Variants in MFHAS1 observed in about 807,000 individuals in gnomAD.
The protein encoded by MFHAS1 is malignant fibrous histiocytoma-amplified sequence 1.
A neutral mutation model predicts 70.4 loss-of-function variants in MFHAS1; 50 were observed. The observed-to-expected ratio is 0.71, with a 90% CI of 0.57 to 0.90. MFHAS1 has a LOEUF of 0.90. MFHAS1 is among the 40% of genes least tolerant of loss of function. The pLI, the probability that MFHAS1 is intolerant of heterozygous loss-of-function variation, is 0.00. For synonymous variants in MFHAS1, 952 were observed against 620.0 expected (o/e 1.54, Z -7.96); for missense variants, 1,795 against 1,347.6 (o/e 1.33, Z -5.20).
intron 2 of MFHAS1, among the ~76,000 whole-genome samples, chr8:8,788,808 T>C (rs905844402): frequency 1.3e-5 from 2 of 152,048 alleles, no homozygotes; most frequent in Admixed American, 6.5e-5. Flanking sequence ...GGGCCTTAAC[T>C]GGGTAGGAGA....
intron 1 of MFHAS1, among the ~76,000 whole-genome samples, chr8:8,879,275 C>T (rs940222046): frequency 2.6e-5 from 4 of 152,118 alleles, no homozygotes; most frequent in South Asian, 2.1e-4. Flanking sequence ...CACTTGAACC[C>T]GGGAGGCGGA....
intron 1 of MFHAS1, among the ~76,000 whole-genome samples, chr8:8,827,996 T>G (rs943536329): frequency 6.6e-6 from 1 of 152,168 alleles, no homozygotes; most frequent in Admixed American, 6.6e-5. Flanking sequence ...TTCTAACAGC[T>G]CTTCAGCTGT....
intron 1 of MFHAS1, among the ~76,000 whole-genome samples, chr8:8,825,962 G>A (rs1432798316): frequency 1.3e-5 from 2 of 152,208 alleles, no homozygotes; most frequent in Non-Finnish European, 2.9e-5. Flanking sequence ...TCATTTTGCA[G>A]TTGAGGCTGA....
chr8:8,867,179 T>C (rs891462646), intron 1 of MFHAS1, among the ~76,000 whole-genome samples: 1 of 152,194 alleles, frequency 6.6e-6, no homozygotes, highest in African/African-American at 2.4e-5. Context: ...TCTGTACTAG[T>C]AGGAAATGGA....
At position 8,797,414 on chromosome 8, in the gene MFHAS1, C is replaced by T. The variant is rs771063504; in HGVS notation, c.3076G>A (p.Val1026Ile). The T allele has an allele frequency of 4.3e-6, 7 of 1,614,124 alleles. No individual in the cohort carries two copies. Among genetic ancestry groups the T allele is most frequent in the Admixed American group, 1.7e-5 (1 of 60,024 alleles). The change falls in exon 2 of 3, where the codon GTT becomes ATT. Residue 1026 changes from valine to isoleucine, a missense_variant. By Grantham distance (29) the Val-to-Ile change is conservative (BLOSUM62 3). Coordinates refer to ENST00000276282, the MANE Select transcript of MFHAS1 (RefSeq NM_004225.3). ...CPKNGSERVN[V>I]ALVYPPTPTV... ...GGCGTGGGTGGGTAAACCAAGGCAA[C>T]ATTTACTCGCTCGCTGCCGTTCTTG...
chr8:8,804,348 A>C lies in MFHAS1; in HGVS notation c.2999-6857T>G, dbSNP rs1460304442. Among the ~76,000 whole-genome samples the C allele has an allele frequency of 1.4e-4, 22 of 152,208 alleles. 1 individual carries two copies. The highest frequency in any genetic ancestry group is 1.4e-3 in the Admixed American group (22 of 15,280). The stretch of plus-strand genomic sequence containing the variant: ...ATTTCCATTTTCAGGCATTTGTGGA[A>C]TTCTCAAGTCCGGTTTTGATATTGA... On this transcript the variant is annotated intron_variant, in intron 1 of 2. Transcript: ENST00000276282.
chr8:8,889,063 T>C (rs1809885042), intron 1 of MFHAS1, among the ~76,000 whole-genome samples: 1 of 144,794 alleles, frequency 6.9e-6, no homozygotes, highest in Non-Finnish European at 1.5e-5. Flanking sequence ...CCCAGACAAC[T>C]AGTCCTGGAA....
chr8:8,853,848 C>T (rs1473804907), intron 1 of MFHAS1, among the ~76,000 whole-genome samples: 1 of 152,174 alleles, frequency 6.6e-6, no homozygotes, highest in Non-Finnish European at 1.5e-5. Flanking sequence ...GCCACCACCC[C>T]TGGCTTAGCT....
At chr8:8,845,264 T>A in intron 1 of MFHAS1, among the ~76,000 whole-genome samples, 1 of 152,210 alleles carries the variant, frequency 6.6e-6, no homozygotes, top group East Asian at 1.9e-4. Flanking sequence ...TCAGAAACAG[T>A]CCTATAGACA....
At chr8:8,879,373 C>T (rs1009642270) in intron 1 of MFHAS1, among the ~76,000 whole-genome samples, 1 of 152,068 alleles carries the variant, frequency 6.6e-6, no homozygotes, top group Admixed American at 6.6e-5. Flanking sequence ...GTAAGGACTC[C>T]TGAAGAAAAG....
intron 1 of MFHAS1, among the ~76,000 whole-genome samples, chr8:8,823,790 A>G (rs966575652): frequency 6.8e-6 from 1 of 146,208 alleles, no homozygotes; most frequent in African/African-American, 2.5e-5. Context: ...TCTCTGATGT[A>G]GCACAGAAGA....
At chr8:8,856,994 A>G (rs940376761) in intron 1 of MFHAS1, among the ~76,000 whole-genome samples, 1 of 146,382 alleles carries the variant, frequency 6.8e-6, no homozygotes, top group Non-Finnish European at 1.5e-5. Context: ...AAAAAAAAAA[A>G]AAAAAAAAAA....
intron 1 of MFHAS1, among the ~76,000 whole-genome samples, chr8:8,823,698 C>T (rs928418984): frequency 6.7e-6 from 1 of 150,310 alleles, no homozygotes; most frequent in African/African-American, 2.4e-5. Flanking sequence ...CGTCTTCAGT[C>T]TTTGACACAG....
At chr8:8,845,510 G>C (rs977368743) in intron 1 of MFHAS1, among the ~76,000 whole-genome samples, 4 of 152,174 alleles carry the variant, frequency 2.6e-5, no homozygotes, top group African/African-American at 7.2e-5. Context: ...TTCTCAATGA[G>C]ACACTTATAA....
chr8:8,814,134 C>T (rs1010928756), intron 1 of MFHAS1, among the ~76,000 whole-genome samples: 5 of 152,180 alleles, frequency 3.3e-5, no homozygotes, highest in East Asian at 1.9e-4. Flanking sequence ...GACAGGGTTT[C>T]GCCATGTTGG....
chr8:8,832,707 C>T (rs1043513774), intron 1 of MFHAS1, among the ~76,000 whole-genome samples: 2 of 148,160 alleles, frequency 1.3e-5, no homozygotes, highest in African/African-American at 2.5e-5. Context: ...TAGCTGACGG[C>T]CACCTTGAAC....
In MFHAS1 at chr8:8,801,214, C is replaced by CA. The variant is rs886514145; in HGVS notation, c.2999-3724dup. On this transcript the variant is annotated intron_variant, in intron 1 of 2. Transcript: ENST00000276282. ...TGGACGATGGGGTGAGACTCTGTCT[C>CA]AAAAAAAAAAAGAAAGAAAGAAAGA... Among the ~76,000 whole-genome samples the CA allele has an allele frequency of 3.2e-3, 448 of 139,726 alleles. 1 individual carries two copies. The highest frequency in any genetic ancestry group is 7.2e-3 in the Middle Eastern group (2 of 276). The allele number at this position is 139,726 out of a possible 152,430, so 91.7% of individuals were successfully genotyped here.
At chr8:8,838,795 G>C (rs553460260) in intron 1 of MFHAS1, among the ~76,000 whole-genome samples, 4 of 145,396 alleles carry the variant, frequency 2.8e-5, no homozygotes, top group South Asian at 2.4e-4. Flanking sequence ...CTGAGCAACA[G>C]GGCGAGACCC....
chr8:8,880,715 T>A (rs1809487095), intron 1 of MFHAS1, among the ~76,000 whole-genome samples: 1 of 151,608 alleles, frequency 6.6e-6, no homozygotes, highest in Admixed American at 6.6e-5. Context: ...GATGGAGTCT[T>A]GTTTTGTCGC....
Sources: allele counts gnomAD v4.1 joint callset (sites outside exome capture counted in the v4.1 genomes callset), GRCh38; gene constraint gnomAD v4.1.1; transcripts MANE v1.5; gene names NCBI Gene and HGNC (gene_info 2026-07-23, HGNC 2026-07-21).